The following SPATS2L variants were observed in gnomAD, a reference collection of about 807,000 sequenced individuals.
The protein encoded by SPATS2L is SPATS2-like protein.
SPATS2L carries 30 observed loss-of-function variants against 59.6 expected under a neutral mutation model. The ratio of observed to expected loss-of-function variants is 0.50; its 90% confidence interval spans 0.38 to 0.68. The LOEUF is 0.68. Ranked by LOEUF, SPATS2L falls within the 30% of genes least tolerant of loss-of-function variation. The pLI is 0.00. For synonymous variants in SPATS2L, 252 were observed against 263.5 expected (o/e 0.96, Z 0.42); for missense variants, 615 against 700.0 (o/e 0.88, Z 1.37).
intron 8 of SPATS2L, among the ~76,000 whole-genome samples, chr2:200,445,072 G>A (rs2084944203): frequency 6.6e-6 from 1 of 152,104 alleles, no homozygotes. Flanking sequence ...GAACACACCT[G>A]TAATCCTAGC....
intron 2 of SPATS2L, among the ~76,000 whole-genome samples, chr2:200,380,019 A>C (rs902247694): frequency 1.3e-5 from 2 of 152,186 alleles, no homozygotes; most frequent in African/African-American, 4.8e-5. Flanking sequence ...GCATTGGGTC[A>C]CTTTTAGAAA....
intron 3 of SPATS2L, among the ~76,000 whole-genome samples, chr2:200,394,412 G>A (rs888749439): frequency 5.3e-5 from 8 of 152,110 alleles, no homozygotes; most frequent in Non-Finnish European, 1.0e-4. Flanking sequence ...TTGTACTTCT[G>A]TGGGCTTCTC....
chr2:200,354,585 GCGACAGAGCAAGAC>G (rs1440008309), intron 2 of SPATS2L, among the ~76,000 whole-genome samples: 1 of 151,408 alleles, frequency 6.6e-6, no homozygotes, highest in Non-Finnish European at 1.5e-5. Context: ...TTCAGCCTGG[GCGACAGAGCAAGAC>G]TCCGTCTCAA....
At chr2:200,368,983 G>A (rs1239785121) in intron 2 of SPATS2L, among the ~76,000 whole-genome samples, 1 of 150,480 alleles carries the variant, frequency 6.6e-6, no homozygotes, top group Non-Finnish European at 1.5e-5. Context: ...AATTACCAAA[G>A]ATAATGTACA....
chr2:200,305,979 C>A, upstream of SPATS2L: 1 of 931,830 alleles, frequency 1.1e-6, no homozygotes, highest in Non-Finnish European at 1.3e-6. Context: ...GACTACTGTA[C>A]TCCCAGGCAG....
chr2:200,446,527 C>T (rs2085058274), intron 8 of SPATS2L, among the ~76,000 whole-genome samples: 1 of 152,054 alleles, frequency 6.6e-6, no homozygotes, highest in Admixed American at 6.5e-5. Flanking sequence ...CGCTGGCATC[C>T]GTTAGGTAGA....
chr2:200,346,154 T>C (rs2080505120), intron 2 of SPATS2L, among the ~76,000 whole-genome samples: 1 of 152,234 alleles, frequency 6.6e-6, no homozygotes. Flanking sequence ...AATTTCAGAA[T>C]GACTTCACAA....
At chr2:200,469,053 A>T (rs1574716574) in intron 10 of SPATS2L, among the ~76,000 whole-genome samples, 1 of 152,190 alleles carries the variant, frequency 6.6e-6, no homozygotes, top group Non-Finnish European at 1.5e-5. Flanking sequence ...TAGAACCCCA[A>T]TTCCCCCATC....
chr2:200,450,045 G>A (rs11893875), intron 8 of SPATS2L, among the ~76,000 whole-genome samples: 30,091 of 152,096 alleles, frequency 0.2, 3,290 homozygotes, highest in African/African-American at 0.28. Flanking sequence ...ACTTAATTAG[G>A]AGGCACGGGA....
intron 2 of SPATS2L, among the ~76,000 whole-genome samples, chr2:200,381,393 C>T (rs2081806133): frequency 6.6e-6 from 1 of 152,152 alleles, no homozygotes; most frequent in South Asian, 2.1e-4. Flanking sequence ...TTCCTCCAAC[C>T]TGGAGATCTG....
intron 7 of SPATS2L, 111 bp downstream of exon 7, chr2:200,439,439 GA>G: frequency 1.1e-6 from 1 of 873,040 alleles, no homozygotes; most frequent in East Asian, 2.6e-5. Context: ...AGATGCACAT[GA>G]AATTGCATTT....
intron 8 of SPATS2L, among the ~76,000 whole-genome samples, chr2:200,453,968 G>A (rs1257925532): frequency 6.6e-6 from 1 of 152,038 alleles, no homozygotes; most frequent in Non-Finnish European, 1.5e-5. Context: ...TCTACTGCAT[G>A]CGCCTCCTGC....
At chr2:200,347,917 G>T (rs776815639) in intron 2 of SPATS2L, among the ~76,000 whole-genome samples, 1 of 152,114 alleles carries the variant, frequency 6.6e-6, no homozygotes, top group South Asian at 2.1e-4. Flanking sequence ...ATTTTCCTGA[G>T]TAATATCTTA....
intron 2 of SPATS2L, among the ~76,000 whole-genome samples, chr2:200,355,616 A>G (rs191391927): frequency 1.3e-3 from 194 of 152,336 alleles, no homozygotes; most frequent in Non-Finnish European, 2.1e-3. Flanking sequence ...AGAGAACTTG[A>G]TACATTTGAG....
chr2:200,476,730 C>T (rs1206079095), intron 12 of SPATS2L, among the ~76,000 whole-genome samples: 3 of 152,222 alleles, frequency 2.0e-5, no homozygotes, highest in Non-Finnish European at 4.4e-5. Flanking sequence ...AGTCCAAGGA[C>T]GGCTTAAGTA....
intron 1 of SPATS2L, among the ~76,000 whole-genome samples, chr2:200,316,180 C>T (rs1181521368): frequency 2.6e-5 from 4 of 152,182 alleles, no homozygotes; most frequent in African/African-American, 9.7e-5. Context: ...ATAAAGAGAA[C>T]AGTCCAGTGG....
At chr2:200,435,206 A>G (rs1450160806) in intron 6 of SPATS2L, among the ~76,000 whole-genome samples, 1 of 152,186 alleles carries the variant, frequency 6.6e-6, no homozygotes, top group East Asian at 1.9e-4. Flanking sequence ...GAATCCTTGA[A>G]TCAGAAACCA....
chr2:200,348,907 A>G (rs1341236675), intron 2 of SPATS2L, among the ~76,000 whole-genome samples: 2 of 151,322 alleles, frequency 1.3e-5, no homozygotes. Flanking sequence ...AAAAATTTGC[A>G]TGTGAAGAAG....
At chr2:200,349,481 C>CA (rs1029556294) in intron 2 of SPATS2L, among the ~76,000 whole-genome samples, 2 of 152,088 alleles carry the variant, frequency 1.3e-5, no homozygotes, top group African/African-American at 4.8e-5. Flanking sequence ...ACTAAAAGTA[C>CA]AAAAAAATTA....
Sources: gnomAD v4.1 joint callset for allele counts (sites outside exome capture counted in the v4.1 genomes callset) on GRCh38, gnomAD v4.1.1 for gene constraint, MANE v1.5 for transcripts, NCBI Gene and HGNC (gene_info 2026-07-23, HGNC 2026-07-21) for gene names.